Variants in CAPN8 observed in about 807,000 individuals in gnomAD.
CAPN8 encodes the protein calpain 8, also known as calpain-8.
CAPN8 carries 87 observed loss-of-function variants against 80.9 expected under a neutral mutation model. The ratio of observed to expected loss-of-function variants is 1.07; its 90% CI spans 0.90 to 1.28. CAPN8 has a LOEUF of 1.28. Among genes scored for constraint, CAPN8 ranks in the 50% most tolerant of loss-of-function variants. CAPN8 has a pLI of 0.00. For missense variants in CAPN8, 757 were observed against 702.0 expected (o/e 1.08, Z -0.89); for synonymous variants, 299 against 273.8 (o/e 1.09, Z -0.91).
At chr1:223,656,668 GTTTTT>G (rs1331913444) in intron 1 of CAPN8, among the ~76,000 whole-genome samples, 47 of 94,748 alleles carry the variant, frequency 5.0e-4, no homozygotes, top group African/African-American at 1.7e-3. Flanking sequence ...CACGTTTTGG[GTTTTT>G]TTGTTTTGTT....
At chr1:223,659,111 T>G (rs535544599) in intron 1 of CAPN8, among the ~76,000 whole-genome samples, 1 of 152,342 alleles carries the variant, frequency 6.6e-6, no homozygotes, top group Admixed American at 6.5e-5. Flanking sequence ...CAAATTACTC[T>G]AACCTAGGAT....
In CAPN8 at chr1:223,545,989, ATTTTTT is replaced by A. The variant is rs35357819; in HGVS notation, c.1765-696_1765-691del. On this transcript the variant is annotated intron_variant, in intron 16 of 20. Coordinates refer to ENST00000366872, the MANE Select transcript of CAPN8 (RefSeq NM_001143962.2). ...AGGCACCCGCCACCATACTCCACTA[ATTTTTT>A]TTTTTTTTTTTTTTTTTTAGTAGAG... is the stretch of plus-strand genomic sequence containing the variant. 2.6e-3 allele frequency among the ~76,000 whole-genome samples: 289 copies of A among 111,414 alleles called. 2 individuals are homozygous for A. Among genetic ancestry groups the A allele is most frequent in the African/African-American group, 9.7e-3 (270 of 27,812 alleles). The allele number at this position is 111,414 out of a possible 152,430, so 73.1% of individuals were successfully genotyped here.
At chr1:223,662,214 G>A (rs918424149) in intron 1 of CAPN8, among the ~76,000 whole-genome samples, 17 of 152,112 alleles carry the variant, frequency 1.1e-4, no homozygotes, top group African/African-American at 3.1e-4. Context: ...TTGGGAGGCC[G>A]AGGTGATTGA....
At chr1:223,541,916 AC>A in intron 20 of CAPN8, 57 bp from the exon 21 acceptor site, 2 of 1,551,110 alleles carry the variant, frequency 1.3e-6, no homozygotes, top group Non-Finnish European at 1.7e-6. Flanking sequence ...GTGTGCTTTC[AC>A]CATTGATGCT....
chr1:223,646,409 G>A (rs945303857), intron 2 of CAPN8, among the ~76,000 whole-genome samples: 8 of 152,206 alleles, frequency 5.3e-5, no homozygotes, highest in African/African-American at 1.2e-4. Flanking sequence ...GCTGATGCCA[G>A]GGCTTCCAGT....
intron 19 of CAPN8, 82 bp downstream of exon 19, chr1:223,543,985 T>A: frequency 1.5e-6 from 1 of 687,502 alleles, no homozygotes; most frequent in Middle Eastern, 2.4e-4. Context: ...AGGCAATGTC[T>A]GGTTCTGCCC....
chr1:223,631,214 G>A (rs1347701762), intron 2 of CAPN8, among the ~76,000 whole-genome samples: 1 of 152,034 alleles, frequency 6.6e-6, no homozygotes, highest in African/African-American at 2.4e-5. Context: ...TCTCCATGAA[G>A]CTTTCTCTGA....
rs149084097 is a variant in CAPN8, at chr1:223,615,987, C to T, written c.1294G>A (p.Gly432Ser). 47 of 1,552,238 alleles carry T rather than the reference C, an allele frequency of 3.0e-5. No individual in the cohort carries two copies. The highest frequency in any genetic ancestry group is 2.5e-4 in the African/African-American group (18 of 73,178). The stretch of plus-strand genomic sequence containing the variant: ...AGCAGTACCTGGTAGACGGCATAGC[C>T]GATGCTAAGCATGCCTTGTCCTATC... ...KRIGQGMLSI[G>S]YAVYQVPKEL... is the part of the protein sequence containing the mutation. Residue 432 changes from glycine (G) to serine (S), a missense_variant, in exon 10 of 21, where the codon GGC (glycine) becomes AGC (serine). By Grantham distance (56) the Gly-to-Ser change is moderately conservative. Transcript: ENST00000366872.
intron 1 of CAPN8, among the ~76,000 whole-genome samples, chr1:223,661,992 G>A (rs527248970): frequency 3.9e-5 from 6 of 152,302 alleles, no homozygotes; most frequent in Non-Finnish European, 8.8e-5. Context: ...CCTTTGAAAG[G>A]AAGGAAATTT....
rs1229953939 is a variant in CAPN8 at position 223,550,911 on chromosome 1, C to A, written c.1699+49G>T. 5.3e-5 allele frequency: 38 copies of A among 712,086 alleles called. No homozygotes were observed. In the Admixed American group the frequency reaches 7.5e-4, roughly 14 times the overall value. 44.1% of individuals were successfully genotyped at this position (712,086 alleles called of 1,614,324 possible). ...GCCTGCCTACCCATCCCTCACCCTG[C>A]CCCAGCATCTCCTACGGACTTTCTG... On this transcript the variant is annotated intron_variant, in intron 15 of 20. Coordinates refer to ENST00000366872, the MANE Select transcript of CAPN8 (RefSeq NM_001143962.2).
Position 223,609,912 on chromosome 1 carries a change from G to A in CAPN8, c.1324-548C>T, listed in dbSNP as rs1000013546. On this transcript the variant is annotated intron_variant, in intron 11 of 20. Coordinates refer to ENST00000366872, the MANE Select transcript of CAPN8 (RefSeq NM_001143962.2). ...TCTAAAAGAGACAGGCAGAGGGGGC[G>A]GCCACAGCTAGGCCTAGTCTGGGGT... is the stretch of plus-strand genomic sequence containing the variant. 9.8e-5 allele frequency among the ~76,000 whole-genome samples: 15 copies of A among 152,306 alleles called. No homozygotes were observed. The South Asian group carries it at 2.7e-3, about 27-fold the overall frequency.
chr1:223,632,823 C>T (rs1386054896), intron 2 of CAPN8, among the ~76,000 whole-genome samples: 3 of 152,214 alleles, frequency 2.0e-5, no homozygotes, highest in Non-Finnish European at 4.4e-5. Flanking sequence ...TTAGTGCTCA[C>T]TCATGCGCTT....
intron 14 of CAPN8, among the ~76,000 whole-genome samples, 166 bp from the exon 15 acceptor site, chr1:223,551,183 C>T (rs1207236242): frequency 6.6e-6 from 1 of 152,034 alleles, no homozygotes; most frequent in African/African-American, 2.4e-5. Flanking sequence ...TACTCTGTCA[C>T]TCAAGCTGGA....
chr1:223,614,210 C>T (rs754913050), intron 10 of CAPN8, among the ~76,000 whole-genome samples: 46 of 152,130 alleles, frequency 3.0e-4, no homozygotes, highest in Non-Finnish European at 1.0e-4. Flanking sequence ...ACCAGCCTGG[C>T]CAAAATGGGT....
Position 223,665,472 on chromosome 1 carries a change from C to T in CAPN8, c.175G>A (p.Gly59Ser). 1 of 1,552,002 alleles carries T rather than the reference C, an allele frequency of 6.4e-7. No individual in the cohort carries two copies. The highest frequency in any genetic ancestry group is 8.7e-7 in the Non-Finnish European group (1 of 1,147,064). ...GAGCCTGGTCCAAGATCCTTGTAGCCCAAAGCTGATGGACATGCTGGGAAC... is the reference window on the plus strand; with the variant it reads ...GAGCCTGGTCCAAGATCCTTGTAGCTCAAAGCTGATGGACATGCTGGGAAC... Reference protein sequence around the residue: ...PEFPACPSALGYKDLGPGSPQ... With the variant: ...PEFPACPSALSYKDLGPGSPQ... Residue 59 changes from glycine to serine, a missense_variant, in exon 1 of 21, where the codon GGC becomes AGC. Physicochemically the swap from Gly to Ser is moderately conservative, Grantham distance 56. Coordinates refer to ENST00000366872, the MANE Select transcript of CAPN8 (RefSeq NM_001143962.2).
chr1:223,616,292 CT>C, intron 9 of CAPN8, 147 bp from the exon 10 acceptor site: 4 of 897,004 alleles, frequency 4.5e-6, no homozygotes, highest in Middle Eastern at 3.5e-4. Flanking sequence ...AGAAAGTGTT[CT>C]TTACAAGGTG....
intron 2 of CAPN8, among the ~76,000 whole-genome samples, chr1:223,633,890 G>T (rs1657842345): frequency 6.6e-6 from 1 of 152,142 alleles, no homozygotes; most frequent in African/African-American, 2.4e-5. Flanking sequence ...TGGACTGCAG[G>T]TAGAAAGAAA....
chr1:223,654,448 G>A, intron 1 of CAPN8, 49 bp from the exon 2 acceptor site: 1 of 1,501,254 alleles, frequency 6.7e-7, no homozygotes, highest in Non-Finnish European at 9.1e-7. Flanking sequence ...CTCAGTGATG[G>A]CAGCAGCCTG....
At chr1:223,544,936 A>T in intron 17 of CAPN8, 86 bp from the exon 18 acceptor site, 1 of 1,543,432 alleles carries the variant, frequency 6.5e-7, no homozygotes, top group South Asian at 1.2e-5. Context: ...TGCTTTCTCA[A>T]AAGGCCAGGG....
Sources: gnomAD v4.1 joint callset for allele counts (sites outside exome capture counted in the v4.1 genomes callset) on GRCh38, gnomAD v4.1.1 for gene constraint, MANE v1.5 for transcripts, NCBI Gene and HGNC (gene_info 2026-07-23, HGNC 2026-07-21) for gene names.